Variants in GABRB1 observed in about 807,000 individuals in gnomAD.
GABRB1 encodes the protein gamma-aminobutyric acid type A receptor subunit beta1, also known as gamma-aminobutyric acid receptor subunit beta-1.
A neutral mutation model predicts 51.6 loss-of-function variants in GABRB1; 17 were observed. The ratio of observed to expected loss-of-function variants is 0.33; its 90% CI spans 0.23 to 0.49. The LOEUF (loss-of-function observed/expected upper bound fraction) is 0.49. Among genes scored for constraint, GABRB1 ranks in the 20% least tolerant of loss-of-function variants. The pLI is 0.99. For synonymous variants in GABRB1, 247 were observed against 218.9 expected, an observed-to-expected ratio of 1.13 and a Z score of -1.14; for missense variants, 410 against 600.6, an observed-to-expected ratio of 0.68 and a Z score of 3.32.
intron 3 of GABRB1, among the ~76,000 whole-genome samples, chr4:47,110,975 T>A (rs1715189024): frequency 6.6e-6 from 1 of 152,048 alleles, no homozygotes; most frequent in Non-Finnish European, 1.5e-5. Context: ...GCAAATAAGG[T>A]TTACAAAAAA....
intron 5 of GABRB1, among the ~76,000 whole-genome samples, chr4:47,378,789 G>GTT (rs34196493): frequency 6.0e-5 from 9 of 150,128 alleles, no homozygotes; most frequent in African/African-American, 9.8e-5. Context: ...CCCGGCCGGA[G>GTT]TTTTTTTTTT....
intron 5 of GABRB1, among the ~76,000 whole-genome samples, chr4:47,397,848 C>G (rs1438350156): frequency 1.3e-5 from 2 of 152,114 alleles, no homozygotes; most frequent in African/African-American, 4.8e-5. Flanking sequence ...GCTAGGATTA[C>G]AGGTGTGAGC....
intron 3 of GABRB1, among the ~76,000 whole-genome samples, chr4:47,084,510 G>C (rs1243749427): frequency 6.6e-6 from 1 of 152,176 alleles, no homozygotes; most frequent in African/African-American, 2.4e-5. Context: ...TGTGTATCTA[G>C]AAGTCTGGAA....
chr4:47,034,028 A>G (rs1431423727), intron 3 of GABRB1, among the ~76,000 whole-genome samples: 1 of 152,240 alleles, frequency 6.6e-6, no homozygotes, highest in Non-Finnish European at 1.5e-5. Flanking sequence ...GACAAATTAG[A>G]CAATGAATTA....
intron 4 of GABRB1, among the ~76,000 whole-genome samples, chr4:47,296,288 G>T (rs1432152202): frequency 6.6e-6 from 1 of 152,118 alleles, no homozygotes; most frequent in Non-Finnish European, 1.5e-5. Flanking sequence ...TGAGCTAAAT[G>T]CTCCAATTAG....
chr4:47,346,114 G>C (rs1376626837), intron 5 of GABRB1, among the ~76,000 whole-genome samples: 1 of 151,904 alleles, frequency 6.6e-6, no homozygotes, highest in Non-Finnish European at 1.5e-5. Context: ...GAATTTGTTT[G>C]TTTATAGCAC....
intron 3 of GABRB1, among the ~76,000 whole-genome samples, chr4:47,047,455 G>T (rs1035697735): frequency 1.3e-5 from 2 of 151,936 alleles, no homozygotes; most frequent in East Asian, 1.9e-4. Context: ...TAAGTAACTT[G>T]CCCAAAGTTA....
intron 8 of GABRB1, among the ~76,000 whole-genome samples, chr4:47,421,111 A>G (rs989703637): frequency 6.6e-6 from 1 of 151,006 alleles, no homozygotes; most frequent in African/African-American, 2.4e-5. Context: ...ACATAACTCT[A>G]TAGTAATGAA....
rs1165939097 is a variant in GABRB1 at position 47,007,866 on chromosome 4, G to GTA, written c.-20+13967_-20+13968dup. Among the ~76,000 whole-genome samples the GTA allele has an allele frequency of 5.2e-3, 259 of 49,950 alleles. 8 individuals carry two copies. The highest frequency in any genetic ancestry group is 8.1e-3 in the Non-Finnish European group (197 of 24,310). The allele number at this position is 49,950 out of a possible 152,430, so 32.8% of individuals were successfully genotyped here. On this transcript the variant is annotated intron_variant, in intron 1 of 3. Transcript: ENST00000513567. ...TTAAAGGACGTATACCTTGGAACTG[G>GTA]TATATATATATATATATATATATAT... is the stretch of plus-strand genomic sequence containing the variant.
chr4:47,046,292 A>G lies in GABRB1; in HGVS notation c.240+13808A>G, dbSNP rs114645318. Among the ~76,000 whole-genome samples the G allele has an allele frequency of 3.4e-3, 519 of 152,228 alleles. 1 individual carries two copies. Among genetic ancestry groups the G allele is most frequent in the Admixed American group, 8.1e-3 (124 of 15,274 alleles). ...TGCTTCATATGTAAATATCAACAAT[A>G]AAATTATAGTAGATGAGATAAGAAG... On this transcript the variant is annotated intron_variant, in intron 3 of 8. Coordinates refer to ENST00000295454, the MANE Select transcript of GABRB1 (RefSeq NM_000812.4).
intron 1 of GABRB1, among the ~76,000 whole-genome samples, chr4:47,008,822 T>C (rs1241434016): frequency 7.0e-6 from 1 of 143,520 alleles, no homozygotes; most frequent in Non-Finnish European, 1.5e-5. Context: ...GTATTAACTG[T>C]AGTTCACCCT....
chr4:47,418,290 C>G (rs533151674), intron 8 of GABRB1, among the ~76,000 whole-genome samples: 10 of 152,288 alleles, frequency 6.6e-5, no homozygotes, highest in African/African-American at 2.4e-4. Context: ...ATCTGTCAGG[C>G]AGGTTGAAGC....
intron 4 of GABRB1, among the ~76,000 whole-genome samples, chr4:47,310,370 G>A (rs1263641622): frequency 6.6e-6 from 1 of 152,122 alleles, no homozygotes; most frequent in Non-Finnish European, 1.5e-5. Context: ...TGTAGCCAAT[G>A]CTTACAGAAT....
intron 4 of GABRB1, among the ~76,000 whole-genome samples, chr4:47,293,964 C>T (rs7695129): frequency 2.8e-4 from 43 of 152,280 alleles, no homozygotes; most frequent in African/African-American, 1.0e-3. Flanking sequence ...CTTTTAACAT[C>T]TTTTTAAAGT....
chr4:47,161,140 T>A, intron 3 of GABRB1, 109 bp from the exon 4 acceptor site: 1 of 757,208 alleles, frequency 1.3e-6, no homozygotes, highest in Non-Finnish European at 2.1e-6. Context: ...AGGTGCAAAT[T>A]TTAATATATT....
intron 4 of GABRB1, among the ~76,000 whole-genome samples, chr4:47,286,059 C>T (rs568846929): frequency 1.3e-5 from 2 of 152,304 alleles, no homozygotes; most frequent in Non-Finnish European, 2.9e-5. Flanking sequence ...ATCCAAATTA[C>T]TAAATCCATG....
chr4:47,028,158 A>AT (rs1221979548), upstream of GABRB1, among the ~76,000 whole-genome samples: 12 of 151,752 alleles, frequency 7.9e-5, 1 homozygote, highest in African/African-American at 2.4e-4. Context: ...TCACTTAATT[A>AT]TTTTTTTAAA....
intron 4 of GABRB1, among the ~76,000 whole-genome samples, chr4:47,297,805 A>G (rs1259704999): frequency 6.6e-6 from 1 of 152,210 alleles, no homozygotes; most frequent in East Asian, 1.9e-4. Flanking sequence ...GACACAACCA[A>G]AAAAGAGAAT....
intron 4 of GABRB1, among the ~76,000 whole-genome samples, chr4:47,319,209 C>T (rs1724986329): frequency 6.6e-6 from 1 of 151,840 alleles, no homozygotes; most frequent in Admixed American, 6.6e-5. Context: ...TACTGTAGTA[C>T]TTTATGTACA....
Sources: allele counts gnomAD v4.1 joint callset (sites outside exome capture counted in the v4.1 genomes callset), GRCh38; gene constraint gnomAD v4.1.1; transcripts MANE v1.5; gene names NCBI Gene and HGNC (gene_info 2026-07-23, HGNC 2026-07-21).